The following ADK variants were observed in gnomAD, a reference collection of about 807,000 sequenced individuals.
ADK encodes the protein N6,N6-dimethyladenosine kinase.
In ADK, 24 loss-of-function variants were observed where a neutral mutation model predicts 44.7. That is an observed-to-expected ratio of 0.54 (90% CI 0.39 to 0.76). ADK has a LOEUF of 0.76. ADK is among the 30% of genes least tolerant of loss of function. The pLI, the probability that ADK is intolerant of heterozygous loss-of-function variation, is 0.00. For missense variants in ADK, 321 were observed against 425.1 expected, an observed-to-expected ratio of 0.76 and a Z score of 2.15; for synonymous variants, 128 against 142.6, an observed-to-expected ratio of 0.90 and a Z score of 0.73.
At chr10:74,465,843 T>C (rs1456337331) in intron 6 of ADK, among the ~76,000 whole-genome samples, 1 of 152,182 alleles carries the variant, frequency 6.6e-6, no homozygotes, top group Non-Finnish European at 1.5e-5. Context: ...TAGTACGTTC[T>C]CCATAGTGTA....
intron 9 of ADK, among the ~76,000 whole-genome samples, chr10:74,653,662 G>A (rs910603252): frequency 2.0e-5 from 3 of 152,196 alleles, no homozygotes; most frequent in Non-Finnish European, 4.4e-5. Context: ...TTAAGTGCAA[G>A]AGAGATTGGC....
intron 3 of ADK, among the ~76,000 whole-genome samples, chr10:74,295,500 T>C (rs1311480477): frequency 6.6e-6 from 1 of 152,078 alleles, no homozygotes; most frequent in African/African-American, 2.4e-5. Flanking sequence ...AAAATCTCTG[T>C]ACTCAGGGCT....
At chr10:74,229,897 G>T (rs1402867458) in intron 3 of ADK, among the ~76,000 whole-genome samples, 2 of 151,998 alleles carry the variant, frequency 1.3e-5, no homozygotes, top group African/African-American at 2.4e-5. Context: ...AAAGTAGCCG[G>T]ATGTGGTGGT....
chr10:74,696,358 A>ATTTTTG (rs1371984954), intron 10 of ADK, among the ~76,000 whole-genome samples: 2 of 148,306 alleles, frequency 1.3e-5, no homozygotes, highest in African/African-American at 2.5e-5. Context: ...TTATTTATTT[A>ATTTTTG]TTTTTGTTTT....
intron 8 of ADK, among the ~76,000 whole-genome samples, chr10:74,598,295 T>C (rs1240422660): frequency 3.3e-5 from 5 of 149,848 alleles, no homozygotes; most frequent in Non-Finnish European, 6.0e-5. Flanking sequence ...TGTTTTGTAC[T>C]TGGAAAGTTT....
Position 74,331,006 on chromosome 10 carries a change from A to G in ADK, c.273+16261A>G, listed in dbSNP as rs1244978487. ...TTTTCTGTAGTCCCTGTACTTTCCCACCCCAATTTATATTTCCTGTTTCTA... is the reference window on the plus strand; with the variant it reads ...TTTTCTGTAGTCCCTGTACTTTCCCGCCCCAATTTATATTTCCTGTTTCTA... On this transcript the variant is annotated intron_variant, in intron 4 of 10. Transcript: ENST00000539909. Among the ~76,000 whole-genome samples the G allele has an allele frequency of 2.0e-5, 3 of 151,350 alleles. No individual in the cohort carries two copies. The East Asian group carries it at 5.8e-4, about 29-fold the overall frequency.
intron 2 of ADK, among the ~76,000 whole-genome samples, chr10:74,211,177 G>C (rs1338773941): frequency 6.6e-6 from 1 of 152,142 alleles, no homozygotes; most frequent in Admixed American, 6.5e-5. Flanking sequence ...GAGCTACCGT[G>C]CCCGGTCTTT....
intron 2 of ADK, among the ~76,000 whole-genome samples, chr10:74,218,775 A>G (rs1163444744): frequency 2.0e-5 from 3 of 152,226 alleles, no homozygotes; most frequent in Non-Finnish European, 2.9e-5. Flanking sequence ...ACTAAGCTTC[A>G]TAAGTGAAGG....
intron 6 of ADK, among the ~76,000 whole-genome samples, chr10:74,405,218 A>G (rs1843873606): frequency 6.6e-6 from 1 of 152,154 alleles, no homozygotes; most frequent in Non-Finnish European, 1.5e-5. Context: ...TTAGTACTCC[A>G]TGGCACAGAG....
chr10:74,224,529 G>A lies in ADK; in HGVS notation c.141-9G>A, dbSNP rs368122533. Reference sequence around the variant, plus strand: ...TATGAAGAGTGTAATTTTCGTTTCTGTTATACAGGTATTCTCTGAAACCAA... The same window carrying A: ...TATGAAGAGTGTAATTTTCGTTTCTATTATACAGGTATTCTCTGAAACCAA... On this transcript the variant is annotated splice_polypyrimidine_tract_variant and intron_variant, in intron 2 of 10. Coordinates refer to ENST00000539909, the MANE Select transcript of ADK (RefSeq NM_006721.4). The A allele has an allele frequency of 4.3e-6, 7 of 1,612,756 alleles. No individual in the cohort carries two copies. The African/African-American group carries it at 8.0e-5, about 18-fold the overall frequency.
chr10:74,334,837 G>T (rs1841353271), intron 4 of ADK, among the ~76,000 whole-genome samples: 1 of 152,090 alleles, frequency 6.6e-6, no homozygotes, highest in South Asian at 2.1e-4. Flanking sequence ...TTGCAGTCAA[G>T]GACCCAGCCA....
intron 9 of ADK, among the ~76,000 whole-genome samples, chr10:74,614,589 T>C (rs1852676473): frequency 6.6e-6 from 1 of 152,154 alleles, no homozygotes; most frequent in Non-Finnish European, 1.5e-5. Context: ...TTGTCTTAGC[T>C]TCTACTACTG....
At chr10:74,700,319 T>G (rs1487683378) in intron 10 of ADK, among the ~76,000 whole-genome samples, 1 of 152,220 alleles carries the variant, frequency 6.6e-6, no homozygotes, top group Non-Finnish European at 1.5e-5. Flanking sequence ...CTCGGCTCAC[T>G]GCAACCTCTG....
chr10:74,201,664 GTATGTATGTATGTATCTATC>G (rs1591844224), intron 2 of ADK, among the ~76,000 whole-genome samples: 2 of 115,934 alleles, frequency 1.7e-5, no homozygotes, highest in Admixed American at 8.7e-5. Context: ...ATGTATGTAT[GTATGTATGTATGTATCTATC>G]TATCTATCTA....
chr10:74,519,412 T>A, intron 6 of ADK, among the ~76,000 whole-genome samples: 1 of 151,992 alleles, frequency 6.6e-6, no homozygotes, highest in Non-Finnish European at 1.5e-5. Context: ...AAATTTAAAT[T>A]ACATTTAAAA....
At chr10:74,371,249 A>G (rs1437715474) in intron 4 of ADK, among the ~76,000 whole-genome samples, 1 of 152,194 alleles carries the variant, frequency 6.6e-6, no homozygotes, top group Admixed American at 6.5e-5. Context: ...TAGGGTGAGA[A>G]AATGTTCTAC....
At chr10:74,411,630 G>A (rs2132953460) in intron 6 of ADK, among the ~76,000 whole-genome samples, 1 of 152,352 alleles carries the variant, frequency 6.6e-6, no homozygotes, top group South Asian at 2.1e-4. Flanking sequence ...TTGCACCAGT[G>A]TTGATGGCTG....
chr10:74,344,367 A>T (rs1191245093), intron 4 of ADK, among the ~76,000 whole-genome samples: 1 of 152,176 alleles, frequency 6.6e-6, no homozygotes, highest in African/African-American at 2.4e-5. Flanking sequence ...GAACAATAAG[A>T]CCTTCTATTC....
intron 3 of ADK, among the ~76,000 whole-genome samples, chr10:74,301,627 GTTA>G (rs1402545252): frequency 1.3e-5 from 2 of 150,196 alleles, no homozygotes; most frequent in Non-Finnish European, 3.0e-5. Flanking sequence ...AAATTTTATT[GTTA>G]TTAATATTCC....
Sources: allele counts gnomAD v4.1 joint callset (sites outside exome capture counted in the v4.1 genomes callset), GRCh38; gene constraint gnomAD v4.1.1; transcripts MANE v1.5; gene names NCBI Gene and HGNC (gene_info 2026-07-23, HGNC 2026-07-21).